PPP3CA: variants seen among roughly 807,000 people sequenced by gnomAD.
PPP3CA encodes the protein CAM-PRP catalytic subunit.
In PPP3CA, 14 loss-of-function variants were observed where a neutral mutation model predicts 66.5. The observed-to-expected ratio is 0.21, with a 90% CI of 0.14 to 0.33. The LOEUF is 0.33. Among genes scored for constraint, PPP3CA ranks in the 10% least tolerant of loss-of-function variants. PPP3CA has a pLI of 1.00. For synonymous variants in PPP3CA, 232 were observed against 226.2 expected (o/e 1.03, Z -0.23); for missense variants, 317 against 639.5 (o/e 0.50, Z 5.44).
In PPP3CA at chr4:101,331,872, C is replaced by T. The variant is rs1005814246; in HGVS notation, c.58+14867G>A. The stretch of plus-strand genomic sequence containing the variant: ...GAATTCATGTGATAGGGTCAAATTC[C>T]GTAATATACAGAGTTCCTGCAAACC... On this transcript the variant is annotated intron_variant, in intron 1 of 13. Coordinates refer to ENST00000394854, the MANE Select transcript of PPP3CA (RefSeq NM_000944.5). Among the ~76,000 whole-genome samples, 6 of 151,896 alleles carry T rather than the reference C, an allele frequency of 4.0e-5. No homozygotes were observed. In the East Asian group the frequency reaches 7.7e-4, roughly 20 times the overall value.
At chr4:101,331,196 G>A (rs376377209) in intron 1 of PPP3CA, among the ~76,000 whole-genome samples, 2 of 152,060 alleles carry the variant, frequency 1.3e-5, no homozygotes, top group Non-Finnish European at 2.9e-5. Context: ...AAAAGCCCAG[G>A]ATCTGAGTCA....
chr4:101,300,961 T>G (rs1194304299), intron 1 of PPP3CA, among the ~76,000 whole-genome samples: 1 of 152,000 alleles, frequency 6.6e-6, no homozygotes, highest in Non-Finnish European at 1.5e-5. Flanking sequence ...AAAATAATAA[T>G]GAAAAGGGAA....
Position 101,106,458 on chromosome 4 carries a change from A to AGAAAGAAAGAAAGAAGAGAAGAGAAG in PPP3CA, c.384+2495_384+2496insCTTCTCTTCTCTTCTTTCTTTCTTTC, listed in dbSNP as rs1560605216. 3.7e-4 allele frequency among the ~76,000 whole-genome samples: 12 copies of AGAAAGAAAGAAAGAAGAGAAGAGAAG among 32,716 alleles called. 2 individuals carry two copies. The highest frequency in any genetic ancestry group is 5.2e-4 in the Non-Finnish European group (9 of 17,306). The allele number at this position is 32,716 out of a possible 152,430, so 21.5% of individuals were successfully genotyped here. A position where few individuals can be genotyped will look rare whatever the true frequency, so the allele number is the denominator to read the frequency against. ...GAAAGAAAGAAAGAAAGAAAGAGAA[A>AGAAAGAAAGAAAGAAGAGAAGAGAAG]AGAAAAGAAAAGAAAAGAAAAGAAA... is the stretch of plus-strand genomic sequence containing the variant. On this transcript the variant is annotated intron_variant, in intron 3 of 13. Coordinates refer to ENST00000394854, the MANE Select transcript of PPP3CA (RefSeq NM_000944.5).
intron 11 of PPP3CA, among the ~76,000 whole-genome samples, chr4:101,034,614 A>C (rs938243771): frequency 6.6e-6 from 1 of 151,916 alleles, no homozygotes; most frequent in Non-Finnish European, 1.5e-5. Flanking sequence ...CTCACATTTC[A>C]AAAATATTTG....
chr4:101,247,598 T>G (rs771151863), intron 1 of PPP3CA, among the ~76,000 whole-genome samples: 1 of 152,212 alleles, frequency 6.6e-6, no homozygotes, highest in Non-Finnish European at 1.5e-5. Context: ...TTTACAAAAT[T>G]TAAGTGATGC....
At chr4:101,106,458 A>AGAAAGAAAAGAAGAGAAG (rs1560605216) in intron 3 of PPP3CA, among the ~76,000 whole-genome samples, 1 of 32,676 alleles carries the variant, frequency 3.1e-5, no homozygotes, top group Admixed American at 2.8e-4. Context: ...AGAAAGAGAA[A>AGAAAGAAAAGAAGAGAAG]AGAAAAGAAA....
At chr4:101,314,008 A>G (rs1472440877) in intron 1 of PPP3CA, among the ~76,000 whole-genome samples, 1 of 152,250 alleles carries the variant, frequency 6.6e-6, no homozygotes, top group Non-Finnish European at 1.5e-5. Flanking sequence ...TTGTTATTGT[A>G]AAACAAACAC....
At chr4:101,108,837 G>C in intron 3 of PPP3CA, 117 bp downstream of exon 3, 1 of 1,007,490 alleles carries the variant, frequency 9.9e-7, no homozygotes, top group East Asian at 2.5e-5. Context: ...TATGAATTAA[G>C]TGAATTAAAT....
At chr4:101,154,869 T>G (rs1434845609) in intron 2 of PPP3CA, among the ~76,000 whole-genome samples, 1 of 135,194 alleles carries the variant, frequency 7.4e-6, no homozygotes, top group Non-Finnish European at 1.5e-5. Context: ...CAAGCTGGAG[T>G]GCAGTGGTGC....
chr4:101,149,494 A>C (rs1475918492), intron 2 of PPP3CA, among the ~76,000 whole-genome samples: 1 of 152,160 alleles, frequency 6.6e-6, no homozygotes, highest in African/African-American at 2.4e-5. Context: ...AAGTTAAAAA[A>C]TTTTGCTAGA....
intron 2 of PPP3CA, among the ~76,000 whole-genome samples, chr4:101,186,051 CAAT>C (rs1560647091): frequency 6.6e-6 from 1 of 152,110 alleles, no homozygotes; most frequent in African/African-American, 2.4e-5. Context: ...TGAGGCCAAT[CAAT>C]ATTATATTGT....
intron 9 of PPP3CA, 55 bp downstream of exon 9, chr4:101,063,177 T>G (rs901242247): frequency 1.3e-6 from 2 of 1,576,942 alleles, no homozygotes; most frequent in Non-Finnish European, 1.7e-6. Flanking sequence ...TTTAATCTCC[T>G]TTCCTTCCTT....
At chr4:101,118,330 T>TA (rs1419266858) in intron 2 of PPP3CA, among the ~76,000 whole-genome samples, 2 of 152,026 alleles carry the variant, frequency 1.3e-5, no homozygotes, top group Non-Finnish European at 2.9e-5. Context: ...AATCAGCTAA[T>TA]CTCTCTTTAT....
At chr4:101,341,709 C>T (rs555249056) in intron 1 of PPP3CA, among the ~76,000 whole-genome samples, 22 of 152,194 alleles carry the variant, frequency 1.4e-4, no homozygotes, top group African/African-American at 4.6e-4. Flanking sequence ...ATAACATATA[C>T]CAGTGGAATT....
At chr4:101,243,290 G>A (rs1726370755) in intron 1 of PPP3CA, among the ~76,000 whole-genome samples, 1 of 152,074 alleles carries the variant, frequency 6.6e-6, no homozygotes, top group Non-Finnish European at 1.5e-5. Context: ...CTCACATAGT[G>A]CATACTCTTA....
At chr4:101,245,195 G>A (rs2110238040) in intron 1 of PPP3CA, among the ~76,000 whole-genome samples, 1 of 152,164 alleles carries the variant, frequency 6.6e-6, no homozygotes, top group Non-Finnish European at 1.5e-5. Context: ...TTTCCAACAT[G>A]GAACTGCTGG....
chr4:101,057,864 C>G (rs1333199948), intron 10 of PPP3CA, among the ~76,000 whole-genome samples: 1 of 152,112 alleles, frequency 6.6e-6, no homozygotes. Context: ...GGAACCAAGG[C>G]CTGCACTGCT....
At chr4:101,228,578 T>C (rs547234264) in intron 1 of PPP3CA, among the ~76,000 whole-genome samples, 138 of 151,576 alleles carry the variant, frequency 9.1e-4, no homozygotes, top group African/African-American at 3.0e-3. Context: ...CAACAAAATA[T>C]CTCCATGCAT....
intron 6 of PPP3CA, among the ~76,000 whole-genome samples, chr4:101,087,041 C>T (rs902989047): frequency 6.6e-6 from 1 of 152,186 alleles, no homozygotes; most frequent in African/African-American, 2.4e-5. Flanking sequence ...GTGTCCTTCT[C>T]CTCTTCCAGA....
Sources: allele counts gnomAD v4.1 joint callset (sites outside exome capture counted in the v4.1 genomes callset), GRCh38; gene constraint gnomAD v4.1.1; transcripts MANE v1.5; gene names NCBI Gene and HGNC (gene_info 2026-07-23, HGNC 2026-07-21).